The following GARIN2 variants were observed in gnomAD, a reference collection of about 807,000 sequenced individuals.
GARIN2 encodes Golgi-associated RAB2 interactor protein 2.
At chr14:67,221,622 G>A in the GARIN2 span, 2 of 597,196 alleles carry the variant, frequency 3.3e-6, no homozygotes, top group South Asian at 7.4e-5. Context: ...ATTCTCATAT[G>A]TTCTATAATC....
the GARIN2 span, chr14:67,203,294 G>T: frequency 1.9e-6 from 3 of 1,574,480 alleles, no homozygotes; most frequent in Non-Finnish European, 2.6e-6. Context: ...TGCTCACCAG[G>T]TGAGTTACAA....
At chr14:67,222,041 A>G in the GARIN2 span, 1 of 491,232 alleles carries the variant, frequency 2.0e-6, no homozygotes, top group Non-Finnish European at 3.5e-6. Context: ...TTACTACTTC[A>G]GTTTTCTTTT....
the GARIN2 span, chr14:67,208,309 T>A: frequency 5.0e-6 from 8 of 1,613,856 alleles, no homozygotes; most frequent in African/African-American, 2.7e-5. Context: ...TAACACTGAC[T>A]TTTGAAGGTA....
the GARIN2 span, chr14:67,199,901 C>A: frequency 6.8e-7 from 1 of 1,480,880 alleles, no homozygotes; most frequent in Non-Finnish European, 9.0e-7. Flanking sequence ...GCAGGAACCC[C>A]AGGGGCAGGA....
chr14:67,198,230 C>T, the GARIN2 span: 6 of 1,613,900 alleles, frequency 3.7e-6, no homozygotes, highest in Non-Finnish European at 5.1e-6. Context: ...CCCCACACTC[C>T]CATGATCCGA....
the GARIN2 span, among the ~76,000 whole-genome samples, chr14:67,220,021 C>T: frequency 6.6e-6 from 1 of 152,130 alleles, no homozygotes; most frequent in Non-Finnish European, 1.5e-5. Flanking sequence ...TGCTGTATTG[C>T]AGAGACATTA....
chr14:67,194,528 CAG>C, the GARIN2 span, among the ~76,000 whole-genome samples: 1 of 152,014 alleles, frequency 6.6e-6, no homozygotes, highest in South Asian at 2.1e-4. Context: ...TCCCCCAAGA[CAG>C]AGTTTTGCTC....
chr14:67,200,406 C>A, the GARIN2 span: 1 of 571,584 alleles, frequency 1.7e-6, no homozygotes, highest in South Asian at 2.3e-5. Context: ...GCTGTAGCTC[C>A]TTGGGGCTAA....
At chr14:67,199,850 C>T in the GARIN2 span, 23 of 1,493,108 alleles carry the variant, frequency 1.5e-5, no homozygotes, top group East Asian at 1.8e-4. Flanking sequence ...CATGCCCCAC[C>T]ACCTATGCCT....
At chr14:67,195,344 A>C in the GARIN2 span, among the ~76,000 whole-genome samples, 13 of 151,944 alleles carry the variant, frequency 8.6e-5, no homozygotes, top group African/African-American at 3.1e-4. Flanking sequence ...CCACAGCTAC[A>C]CCTTTTCCCC....
chr14:67,208,400 G>C, the GARIN2 span: 1 of 1,613,886 alleles, frequency 6.2e-7, no homozygotes, highest in African/African-American at 1.3e-5. Flanking sequence ...GACCTCTGAA[G>C]AAAAGATGCC....
the GARIN2 span, chr14:67,203,320 G>T: frequency 8.5e-6 from 13 of 1,528,316 alleles, no homozygotes; most frequent in Admixed American, 2.2e-4. Flanking sequence ...AGAGGTTAAA[G>T]ATCTCTCAGA....
the GARIN2 span, chr14:67,200,349 A>G: frequency 3.1e-6 from 2 of 639,056 alleles, no homozygotes; most frequent in Middle Eastern, 3.9e-4. Flanking sequence ...CCTTCCTCCT[A>G]TTACATCTTC....
the GARIN2 span, chr14:67,198,118 G>A: frequency 3.1e-6 from 5 of 1,587,654 alleles, no homozygotes; most frequent in South Asian, 1.2e-5. Flanking sequence ...TCCACTAATT[G>A]TGTTTCCATT....
chr14:67,225,139 C>G, the GARIN2 span: 1 of 1,583,822 alleles, frequency 6.3e-7, no homozygotes, highest in Non-Finnish European at 8.6e-7. Context: ...CATATCAAAT[C>G]TCCTTCTAAT....
At chr14:67,221,802 C>T in the GARIN2 span, 36 of 1,613,114 alleles carry the variant, frequency 2.2e-5, no homozygotes, top group African/African-American at 4.5e-4. Flanking sequence ...GAATCAAACA[C>T]TTCAGGTATG....
the GARIN2 span, among the ~76,000 whole-genome samples, chr14:67,216,322 A>G: frequency 6.6e-6 from 1 of 151,962 alleles, no homozygotes; most frequent in African/African-American, 2.4e-5. Flanking sequence ...TGGTTTTGGT[A>G]TCAGGGCAAT....
chr14:67,223,591 T>C, the GARIN2 span: 1 of 403,478 alleles, frequency 2.5e-6, no homozygotes, highest in East Asian at 1.6e-4. Flanking sequence ...AGCAGAAAAA[T>C]TCCACTCTGG....
the GARIN2 span, among the ~76,000 whole-genome samples, chr14:67,190,227 CTTT>C: frequency 8.1e-6 from 1 of 123,516 alleles, no homozygotes; most frequent in Non-Finnish European, 1.8e-5. Flanking sequence ...TTGTTCTTTT[CTTT>C]TTTTTTTTTT....
Sources: allele counts gnomAD v4.1 joint callset (sites outside exome capture counted in the v4.1 genomes callset), GRCh38; gene constraint gnomAD v4.1.1; transcripts MANE v1.5; gene names NCBI Gene and HGNC (gene_info 2026-07-23, HGNC 2026-07-21).